The following TFCP2 variants were observed in gnomAD, a reference collection of about 807,000 sequenced individuals.
TFCP2 encodes transcription factor CP2, also known as alpha-globin transcription factor CP2.
TFCP2 carries 33 observed loss-of-function variants against 73.4 expected under a neutral mutation model. The observed-to-expected ratio is 0.45, with a 90% confidence interval of 0.34 to 0.60. The LOEUF is 0.60. Ranked by LOEUF, TFCP2 falls within the 20% of genes least tolerant of loss-of-function variation. The pLI is 0.01. For synonymous variants in TFCP2, 193 were observed against 211.6 expected, an observed-to-expected ratio of 0.91 and a Z score of 0.76; for missense variants, 352 against 604.0, an observed-to-expected ratio of 0.58 and a Z score of 4.37.
intron 1 of TFCP2, among the ~76,000 whole-genome samples, chr12:51,125,830 G>C (rs1940800481): frequency 6.6e-6 from 1 of 151,940 alleles, no homozygotes; most frequent in Non-Finnish European, 1.5e-5. Context: ...GGGCGTGGTG[G>C]CTCATGCCTG....
intron 1 of TFCP2, chr12:51,162,954 G>C (rs1022109582): frequency 1.3e-5 from 2 of 152,150 alleles, no homozygotes; most frequent in African/African-American, 4.8e-5. Context: ...GAGAAGATTA[G>C]CATGGCCTCT....
rs536663592 is a variant in TFCP2, at chr12:51,169,543, A to G, written c.122+2758T>C. On this transcript the variant is annotated intron_variant, in intron 1 of 14. Transcript: ENST00000257915. ...GTCAAGAGAATAGTGACAAGTACCT[A>G]ACACATGAAAAAAAGGATGAAAAAA... Among the ~76,000 whole-genome samples, 5 of 151,916 alleles carry G rather than the reference A, an allele frequency of 3.3e-5. No individual in the cohort carries two copies. In the East Asian group the frequency reaches 7.8e-4, roughly 24 times the overall value.
intron 1 of TFCP2, among the ~76,000 whole-genome samples, chr12:51,122,764 T>TA (rs1940716188): frequency 6.6e-6 from 1 of 152,148 alleles, no homozygotes; most frequent in Admixed American, 6.5e-5. Context: ...TAGAGTTTTC[T>TA]AAAAAATTAC....
intron 1 of TFCP2, among the ~76,000 whole-genome samples, chr12:51,130,487 C>G (rs1167562812): frequency 2.0e-5 from 3 of 151,358 alleles, no homozygotes; most frequent in Non-Finnish European, 4.4e-5. Flanking sequence ...AAAAAAGAAG[C>G]TGCATTGGAC....
At chr12:51,147,530 G>T (rs949155520) in intron 1 of TFCP2, among the ~76,000 whole-genome samples, 2 of 75,358 alleles carry the variant, frequency 2.7e-5, no homozygotes, top group Non-Finnish European at 6.2e-5. Flanking sequence ...AGGAAGAGGT[G>T]GGGGGGGAAA....
At chr12:51,139,730 C>A (rs1171344074) in intron 1 of TFCP2, among the ~76,000 whole-genome samples, 1 of 148,518 alleles carries the variant, frequency 6.7e-6, no homozygotes, top group East Asian at 2.0e-4. Context: ...TTTCCCTTGC[C>A]CCCAGGCCTT....
At chr12:51,142,540 T>G (rs1941216332) in intron 1 of TFCP2, among the ~76,000 whole-genome samples, 5 of 152,170 alleles carry the variant, frequency 3.3e-5, no homozygotes, top group Admixed American at 3.3e-4. Flanking sequence ...AAGTTCCTCC[T>G]CCTGGGAAAG....
At chr12:51,167,399 A>AT (rs35752302) in intron 1 of TFCP2, among the ~76,000 whole-genome samples, 19 of 149,764 alleles carry the variant, frequency 1.3e-4, no homozygotes, top group Middle Eastern at 3.4e-3. Context: ...ACTGATTGAC[A>AT]TTTTTTTTTT....
At chr12:51,165,263 A>G (rs1386533078) in intron 1 of TFCP2, among the ~76,000 whole-genome samples, 1 of 152,162 alleles carries the variant, frequency 6.6e-6, no homozygotes, top group Non-Finnish European at 1.5e-5. Flanking sequence ...CCTCAAGAAA[A>G]TAACAGCAAA....
intron 1 of TFCP2, among the ~76,000 whole-genome samples, chr12:51,151,981 A>G (rs1941437989): frequency 6.6e-6 from 1 of 152,210 alleles, no homozygotes; most frequent in South Asian, 2.1e-4. Context: ...CAACGATCAT[A>G]AAGATAACTG....
chr12:51,103,144 G>T (rs1940151421), intron 10 of TFCP2, among the ~76,000 whole-genome samples: 2 of 152,006 alleles, frequency 1.3e-5, no homozygotes, highest in African/African-American at 2.4e-5. Flanking sequence ...TTAGCTGGGT[G>T]TGATGGTAGG....
chr12:51,115,386 T>C (rs1284263322), intron 4 of TFCP2, among the ~76,000 whole-genome samples: 2 of 152,064 alleles, frequency 1.3e-5, no homozygotes, highest in African/African-American at 2.4e-5. Context: ...TCCCAAAGTT[T>C]TGGGATTACA....
chr12:51,103,468 GTGTT>G (rs1161652703), intron 10 of TFCP2, among the ~76,000 whole-genome samples, 198 bp downstream of exon 10: 3 of 152,112 alleles, frequency 2.0e-5, no homozygotes, highest in African/African-American at 7.2e-5. Context: ...AAACTAAAAA[GTGTT>G]TGTTTTTAAG....
intron 1 of TFCP2, among the ~76,000 whole-genome samples, chr12:51,123,488 G>A (rs1940732195): frequency 6.6e-6 from 1 of 152,164 alleles, no homozygotes; most frequent in African/African-American, 2.4e-5. Flanking sequence ...GTTTAGAAAA[G>A]GAAAACCCAA....
chr12:51,172,234 CCCTT>C, intron 1 of TFCP2, 63 bp downstream of exon 1: 1 of 1,593,820 alleles, frequency 6.3e-7, no homozygotes, highest in Non-Finnish European at 8.6e-7. Context: ...CCCACTCAAC[CCCTT>C]TTCTTAGTGT....
intron 1 of TFCP2, among the ~76,000 whole-genome samples, chr12:51,150,245 T>G (rs1941392397): frequency 2.0e-5 from 3 of 151,938 alleles, no homozygotes; most frequent in Admixed American, 1.3e-4. Context: ...TGGCGAAACC[T>G]CTTCTCTACT....
rs753411421 is a variant in TFCP2 at position 51,172,468 on chromosome 12, G to C, written c.-46C>G. On this transcript the variant is annotated 5_prime_UTR_variant, in exon 1 of 15. Coordinates refer to ENST00000257915, the MANE Select transcript of TFCP2 (RefSeq NM_005653.5). ...AGGAGACACCGTGTCTTGTACAAAG[G>C]CGCGGAGGGTAATTCTACCCAACAG... 3.7e-6 allele frequency: 6 copies of C among 1,610,622 alleles called. No homozygotes were observed. The highest frequency in any genetic ancestry group is 4.2e-6 in the Non-Finnish European group (5 of 1,178,756).
At chr12:51,096,960 T>C in intron 13 of TFCP2, among the ~76,000 whole-genome samples, 1 of 148,964 alleles carries the variant, frequency 6.7e-6, no homozygotes, top group Admixed American at 6.8e-5. Context: ...TAATTTTTTC[T>C]TAATTTTTTT....
intron 1 of TFCP2, among the ~76,000 whole-genome samples, chr12:51,120,996 T>C (rs539584544): frequency 6.6e-6 from 1 of 151,834 alleles, no homozygotes; most frequent in South Asian, 2.1e-4. Context: ...TATTATTCTG[T>C]TTACTTTGTA....
Sources: allele counts gnomAD v4.1 joint callset (sites outside exome capture counted in the v4.1 genomes callset), GRCh38; gene constraint gnomAD v4.1.1; transcripts MANE v1.5; gene names NCBI Gene and HGNC (gene_info 2026-07-23, HGNC 2026-07-21).